SEMA4F: variants seen among roughly 807,000 people sequenced by gnomAD.
SEMA4F encodes ssemaphorin 4F.
Under a neutral mutation model 78.4 loss-of-function variants are expected in SEMA4F, and 51 were observed. The observed-to-expected ratio is 0.65, with a 90% CI of 0.52 to 0.82. The LOEUF (loss-of-function observed/expected upper bound fraction) is 0.82, where lower values mean the gene tolerates loss of function less well. SEMA4F is among the 40% of genes least tolerant of loss of function. SEMA4F has a pLI of 0.00. For missense variants in SEMA4F, 938 were observed against 1,014.4 expected, an observed-to-expected ratio of 0.92 and a Z score of 1.02; for synonymous variants, 418 against 408.7, an observed-to-expected ratio of 1.02 and a Z score of -0.27.
the SEMA4F span, among the ~76,000 whole-genome samples, chr2:74,692,118 G>A: frequency 9.2e-4 from 140 of 152,262 alleles, 1 homozygote; most frequent in African/African-American, 3.2e-3. Context: ...TCAAGTTGAC[G>A]CAGGAAGATA....
chr2:74,672,368 C>A (rs1281387917), intron 5 of SEMA4F, among the ~76,000 whole-genome samples: 1 of 152,214 alleles, frequency 6.6e-6, no homozygotes, highest in Non-Finnish European at 1.5e-5. Context: ...ATAGCTGGGT[C>A]CCCCATATCT....
intron 4 of SEMA4F, among the ~76,000 whole-genome samples, chr2:74,660,653 C>A (rs546991987): frequency 6.6e-6 from 1 of 152,324 alleles, no homozygotes; most frequent in African/African-American, 2.4e-5. Context: ...CTCTTTCAGA[C>A]CCGAGTTAAA....
chr2:74,657,926 C>T lies in SEMA4F; in HGVS notation c.431C>T (p.Ala144Val). The T allele has an allele frequency of 1.2e-6, 2 of 1,614,224 alleles. No homozygotes were observed. The highest frequency in any genetic ancestry group is 1.7e-6 in the Non-Finnish European group (2 of 1,180,034). The change falls in exon 4 of 14, where the codon GCT (alanine) becomes GTT (valine). Residue 144 changes from alanine (A) to valine (V), a missense_variant. Ala to Val is a moderately conservative substitution (Grantham distance 64). Transcript: ENST00000357877. The part of the protein sequence containing the change: ...ASHLLTCGTF[A>V]FDPKCGVIDV... ...CACCTCCTCACTTGTGGCACCTTCG[C>T]TTTTGATCCGAAGTGCGGGGTTATT...
At chr2:74,689,173 C>T in the SEMA4F span, among the ~76,000 whole-genome samples, 1 of 152,206 alleles carries the variant, frequency 6.6e-6, no homozygotes, top group African/African-American at 2.4e-5. Context: ...ATTTGTACCA[C>T]CTAACCAGAC....
chr2:74,669,349 G>GC (rs1684857220), intron 5 of SEMA4F, among the ~76,000 whole-genome samples: 1 of 151,942 alleles, frequency 6.6e-6, no homozygotes, highest in Non-Finnish European at 1.5e-5. Context: ...ACTTTGGTAG[G>GC]CCGAGGTGGG....
rs1473507336 is a variant in SEMA4F at position 74,679,653 on chromosome 2, C to T, written c.1757C>T (p.Pro586Leu). 6.2e-7 allele frequency: 1 copy of T among 1,612,880 alleles called. No individual in the cohort carries two copies. The highest frequency in any genetic ancestry group is 8.5e-7 in the Non-Finnish European group (1 of 1,179,464). The change falls in exon 14 of 14, where the codon CCA becomes CTA. Residue 586 changes from proline (P) to leucine (L), a missense_variant. Physicochemically the swap from Pro to Leu is moderately conservative, Grantham distance 98. Transcript: ENST00000357877. ...PVATAAHVVL[P>L]CSPSSAWASC... is the part of the protein sequence containing the mutation. ...GCTACAGCTGCGCATGTGGTCTTGC[C>T]ATGTTCTCCAAGCTCAGCATGGGCA...
At chr2:74,704,559 A>C in the SEMA4F span, among the ~76,000 whole-genome samples, 13,027 of 151,850 alleles carry the variant, frequency 0.086, 836 homozygotes, top group East Asian at 0.35. Flanking sequence ...AGAGTATAGC[A>C]CCAATAATTG....
At chr2:74,657,177 A>T (rs950120682) in intron 2 of SEMA4F, among the ~76,000 whole-genome samples, 4 of 152,208 alleles carry the variant, frequency 2.6e-5, no homozygotes, top group African/African-American at 9.6e-5. Context: ...ACCAGTATGT[A>T]TTCTGCGAAT....
chr2:74,701,466 C>A, the SEMA4F span, among the ~76,000 whole-genome samples: 1 of 152,168 alleles, frequency 6.6e-6, no homozygotes, highest in African/African-American at 2.4e-5. Flanking sequence ...GGTTCCAGAA[C>A]AAATTTATGA....
Position 74,679,713 on chromosome 2 carries a change from C to T in SEMA4F, c.1817C>T (p.Ala606Val), listed in dbSNP as rs773358389. 35 of 1,614,036 alleles carry T rather than the reference C, an allele frequency of 2.2e-5. No individual in the cohort carries two copies. Among genetic ancestry groups the T allele is most frequent in the South Asian group, 2.1e-4 (19 of 91,088 alleles). The change falls in exon 14 of 14, where the codon GCA becomes GTA. Residue 606 changes from alanine (A) to valine (V), a missense_variant. Ala to Val is a moderately conservative substitution (Grantham distance 64). Coordinates refer to ENST00000357877, the MANE Select transcript of SEMA4F (RefSeq NM_004263.5). ...CVWHQPSGVT[A>V]LTPRRDGLEV... Reference sequence around the variant, plus strand: ...TGGCACCAGCCCAGTGGAGTGACTGCACTCACCCCCCGGCGGGATGGACTG... The same window carrying T: ...TGGCACCAGCCCAGTGGAGTGACTGTACTCACCCCCCGGCGGGATGGACTG...
chr2:74,664,588 G>A (rs1684589485), intron 5 of SEMA4F, among the ~76,000 whole-genome samples: 1 of 152,130 alleles, frequency 6.6e-6, no homozygotes, highest in African/African-American at 2.4e-5. Flanking sequence ...CCCTAAATCA[G>A]CAGTGAATGA....
the SEMA4F span, among the ~76,000 whole-genome samples, chr2:74,704,598 C>A: frequency 4.2e-3 from 633 of 151,846 alleles, 3 homozygotes; most frequent in African/African-American, 0.015. Flanking sequence ...ATTATCTAAC[C>A]AATTGGAGAT....
intron 2 of SEMA4F, 112 bp downstream of exon 2, chr2:74,656,797 T>C: frequency 9.0e-7 from 1 of 1,114,010 alleles, no homozygotes; most frequent in Non-Finnish European, 1.3e-6. Flanking sequence ...ACAGCAGGGG[T>C]AGTAGGAGGG....
intron 1 of SEMA4F, among the ~76,000 whole-genome samples, chr2:74,655,581 TTGTGG>T (rs1684091106): frequency 6.6e-6 from 1 of 152,144 alleles, no homozygotes; most frequent in Non-Finnish European, 1.5e-5. Flanking sequence ...GAAGGCGAAG[TTGTGG>T]CCAGAGCCTG....
intron 5 of SEMA4F, among the ~76,000 whole-genome samples, chr2:74,671,050 A>G (rs921219345): frequency 2.0e-5 from 3 of 152,154 alleles, no homozygotes; most frequent in Non-Finnish European, 4.4e-5. Context: ...CATTATCTCT[A>G]TTCTGCATTT....
chr2:74,656,572 A>G lies in SEMA4F; in HGVS notation c.184A>G (p.Thr62Ala), dbSNP rs748819524. Residue 62 changes from threonine to alanine, a missense_variant, in exon 2 of 14, where the codon ACA (threonine) becomes GCA (alanine). Transcript: ENST00000357877. ...SCLTRFAVPH[T>A]YNYSVLLVDP... ...TCTCACCCGGTTCGCAGTCCCTCAC[A>G]CATACAATTACTCTGTTCTCCTTGT... 2 of 1,614,072 alleles carry G rather than the reference A, an allele frequency of 1.2e-6. No homozygotes were observed. The highest frequency in any genetic ancestry group is 1.7e-6 in the Non-Finnish European group (2 of 1,180,004).
chr2:74,664,243 T>C (rs1684573791), intron 5 of SEMA4F, among the ~76,000 whole-genome samples: 1 of 152,236 alleles, frequency 6.6e-6, no homozygotes, highest in Non-Finnish European at 1.5e-5. Flanking sequence ...TACATGGATG[T>C]AATTTTGAAT....
downstream of SEMA4F, among the ~76,000 whole-genome samples, chr2:74,688,319 T>C (rs1303681324): frequency 6.6e-6 from 1 of 152,170 alleles, no homozygotes. Flanking sequence ...ATTTCATATA[T>C]ATAAAACAGA....
chr2:74,685,674 A>G (rs1207988223), downstream of SEMA4F, among the ~76,000 whole-genome samples: 1 of 152,200 alleles, frequency 6.6e-6, no homozygotes, highest in Non-Finnish European at 1.5e-5. Flanking sequence ...TTAAATTGTC[A>G]GAACGAGGGA....
Sources: gnomAD v4.1 joint callset for allele counts (sites outside exome capture counted in the v4.1 genomes callset) on GRCh38, gnomAD v4.1.1 for gene constraint, MANE v1.5 for transcripts, NCBI Gene and HGNC (gene_info 2026-07-23, HGNC 2026-07-21) for gene names.